NSUN3: variants seen among roughly 807,000 people sequenced by gnomAD.
NSUN3 encodes tRNA (cytosine(34)-C(5))-methyltransferase, mitochondrial.
Under a neutral mutation model 36.8 loss-of-function variants are expected in NSUN3, and 24 were observed. That is an observed-to-expected ratio of 0.65 (90% CI 0.47 to 0.92). NSUN3 has a LOEUF of 0.92. Among genes scored for constraint, NSUN3 ranks in the 40% least tolerant of loss-of-function variants. The probability of loss-of-function intolerance (pLI) is 0.00; values close to 1 mark genes in which losing one functional copy is unlikely to be tolerated. For missense variants in NSUN3, 381 were observed against 392.8 expected, an observed-to-expected ratio of 0.97 and a Z score of 0.25; for synonymous variants, 146 against 145.2, an observed-to-expected ratio of 1.01 and a Z score of -0.04.
At chr3:94,105,473 C>G (rs1028559172) in intron 5 of NSUN3, among the ~76,000 whole-genome samples, 2 of 152,038 alleles carry the variant, frequency 1.3e-5, no homozygotes, top group African/African-American at 2.4e-5. Flanking sequence ...CTTTTTTAGT[C>G]TGGCTACTGC....
At chr3:94,110,185 T>C (rs576170583) in intron 5 of NSUN3, among the ~76,000 whole-genome samples, 2 of 152,246 alleles carry the variant, frequency 1.3e-5, no homozygotes, top group South Asian at 4.2e-4. Flanking sequence ...CACTGTATTA[T>C]TCCTGGAAGA....
In NSUN3 at chr3:94,084,437, G is replaced by C. The variant is rs773440771; in HGVS notation, c.453G>C (p.Gln151His). 1.2e-6 allele frequency: 2 copies of C among 1,612,846 alleles called. No homozygotes were observed. The highest frequency in any genetic ancestry group is 1.7e-6 in the Non-Finnish European group (2 of 1,179,342). Reference protein sequence around the residue: ...APGGKSIALLQCACPGYLHCN... With the variant: ...APGGKSIALLHCACPGYLHCN... ...GAGGGAAATCAATAGCTCTGCTGCA[G>C]TGTGCTTGTCCAGGTAGTGTGCTTT... The change falls in exon 3 of 6, where the codon CAG becomes CAC. Residue 151 changes from glutamine (Q) to histidine (H), a missense_variant. Coordinates refer to ENST00000314622, the MANE Select transcript of NSUN3 (RefSeq NM_022072.5).
intron 5 of NSUN3, among the ~76,000 whole-genome samples, chr3:94,117,509 G>A (rs934357757): frequency 1.3e-5 from 2 of 151,994 alleles, no homozygotes; most frequent in African/African-American, 2.4e-5. Flanking sequence ...GTTTTTAGCA[G>A]CTTCATTAAC....
At chr3:94,116,669 A>G (rs988410877) in intron 5 of NSUN3, among the ~76,000 whole-genome samples, 3 of 152,224 alleles carry the variant, frequency 2.0e-5, no homozygotes, top group Non-Finnish European at 4.4e-5. Flanking sequence ...GCAGATATTT[A>G]CAGAAGATAT....
rs1255266824 is a variant in NSUN3, at chr3:94,128,590, T to C, written c.*2100T>C. On this transcript the variant is annotated 3_prime_UTR_variant, in exon 6 of 6. Coordinates refer to ENST00000314622, the MANE Select transcript of NSUN3 (RefSeq NM_022072.5). ...GTGTGTGTGTGTGTGTGTGTATATA[T>C]ATATATATATATAATTTTATTAAAA... The C allele has an allele frequency of 6.7e-6, 1 of 149,558 alleles. No homozygotes were observed. The highest frequency in any genetic ancestry group is 1.5e-5 in the Non-Finnish European group (1 of 67,312). The allele number at this position is 149,558 out of a possible 1,614,324, so 9.3% of individuals were successfully genotyped here.
intron 2 of NSUN3, among the ~76,000 whole-genome samples, chr3:94,074,158 A>G (rs1015110651): frequency 6.6e-6 from 1 of 152,066 alleles, no homozygotes; most frequent in Non-Finnish European, 1.5e-5. Context: ...CATTGGTTGT[A>G]TATATCTGTT....
At chr3:94,096,621 C>G (rs116610627) in intron 5 of NSUN3, among the ~76,000 whole-genome samples, 1 of 152,166 alleles carries the variant, frequency 6.6e-6, no homozygotes, top group African/African-American at 2.4e-5. Context: ...GCCTCAGCCC[C>G]CCAAGTGGCT....
At chr3:94,103,201 T>G (rs918908002) in intron 5 of NSUN3, among the ~76,000 whole-genome samples, 10 of 152,096 alleles carry the variant, frequency 6.6e-5, no homozygotes, top group African/African-American at 2.4e-4. Context: ...ATTACCTACT[T>G]TGTACTGGGA....
At chr3:94,097,420 C>A (rs1444049619) in intron 5 of NSUN3, among the ~76,000 whole-genome samples, 1 of 150,536 alleles carries the variant, frequency 6.6e-6, no homozygotes, top group Non-Finnish European at 1.5e-5. Flanking sequence ...CTACTTTGTT[C>A]TCTTTAACTT....
chr3:94,077,485 A>G (rs995743590), intron 2 of NSUN3, among the ~76,000 whole-genome samples: 10 of 151,782 alleles, frequency 6.6e-5, no homozygotes, highest in South Asian at 4.1e-4. Flanking sequence ...CTCTTTTTCT[A>G]TTGTTTGGAA....
At chr3:94,111,838 G>A (rs1018952997) in intron 5 of NSUN3, among the ~76,000 whole-genome samples, 59 of 151,572 alleles carry the variant, frequency 3.9e-4, no homozygotes, top group African/African-American at 1.4e-3. Context: ...TTAAGAAGGA[G>A]GACCTGCTTA....
chr3:94,074,039 C>G (rs1167848956), intron 2 of NSUN3, among the ~76,000 whole-genome samples: 1 of 152,156 alleles, frequency 6.6e-6, no homozygotes, highest in African/African-American at 2.4e-5. Flanking sequence ...TTTCCCAGCA[C>G]CATTTATTAA....
rs903117095 is a variant in NSUN3 at position 94,126,428 on chromosome 3, A to G, written c.961A>G (p.Lys321Glu). The change falls in exon 6 of 6, where the codon AAA becomes GAA. Residue 321 changes from lysine (K) to glutamate (E), a missense_variant. Coordinates refer to ENST00000314622, the MANE Select transcript of NSUN3 (RefSeq NM_022072.5). ...CGLLVIPDKGKAWGPMYVAKL... is the reference protein window; with the variant it reads ...CGLLVIPDKGEAWGPMYVAKL... ...GCTCTTAGTGATTCCAGATAAGGGC[A>G]AAGCCTGGGGCCCAATGTATGTAGC... 2.5e-6 allele frequency: 4 copies of G among 1,614,050 alleles called. No homozygotes were observed. Among genetic ancestry groups the G allele is most frequent in the Non-Finnish European group, 8.5e-7 (1 of 1,179,998 alleles).
chr3:94,123,320 C>T (rs2077472155), intron 5 of NSUN3, among the ~76,000 whole-genome samples: 1 of 152,142 alleles, frequency 6.6e-6, no homozygotes, highest in African/African-American at 2.4e-5. Context: ...CCTCATTTTA[C>T]TAGAATTAAA....
chr3:94,075,402 T>A (rs1480585715), intron 2 of NSUN3, among the ~76,000 whole-genome samples: 1 of 152,102 alleles, frequency 6.6e-6, no homozygotes, highest in Non-Finnish European at 1.5e-5. Flanking sequence ...AAGAAACTGG[T>A]CTACTTATGT....
chr3:94,084,553 A>C, intron 3 of NSUN3, 103 bp downstream of exon 3: 1 of 848,974 alleles, frequency 1.2e-6, no homozygotes, highest in Non-Finnish European at 1.7e-6. Context: ...GAGTTTGCAA[A>C]CTCAGGAAGC....
intron 5 of NSUN3, among the ~76,000 whole-genome samples, chr3:94,106,347 G>A (rs2077388816): frequency 6.6e-6 from 1 of 152,078 alleles, no homozygotes; most frequent in Non-Finnish European, 1.5e-5. Context: ...CGCTGGGTAT[G>A]GTATCTCTGA....
intron 2 of NSUN3, among the ~76,000 whole-genome samples, chr3:94,065,718 G>A (rs1425437533): frequency 2.0e-5 from 3 of 152,142 alleles, no homozygotes; most frequent in Non-Finnish European, 4.4e-5. Flanking sequence ...GTTTATACTC[G>A]TGGGTTTTAT....
At chr3:94,109,760 A>G (rs1308230807) in intron 5 of NSUN3, among the ~76,000 whole-genome samples, 1 of 152,208 alleles carries the variant, frequency 6.6e-6, no homozygotes, top group Non-Finnish European at 1.5e-5. Context: ...CCTTACCTAC[A>G]TGTTGAGCCA....
Sources: gnomAD v4.1 joint callset for allele counts (sites outside exome capture counted in the v4.1 genomes callset) on GRCh38, gnomAD v4.1.1 for gene constraint, MANE v1.5 for transcripts, NCBI Gene and HGNC (gene_info 2026-07-23, HGNC 2026-07-21) for gene names.